Variants in COIL observed in about 807,000 individuals in gnomAD.
COIL encodes the protein coilin.
A neutral mutation model predicts 51.6 loss-of-function variants in COIL; 28 were observed. The ratio of observed to expected loss-of-function variants is 0.54; its 90% CI spans 0.40 to 0.74. The LOEUF is 0.74. COIL is among the 30% of genes least tolerant of loss of function. The probability of loss-of-function intolerance (pLI) is 0.00; values close to 1 mark genes in which losing one functional copy is unlikely to be tolerated. For missense variants in COIL, 667 were observed against 685.9 expected (o/e 0.97, Z 0.31); for synonymous variants, 233 against 255.8 (o/e 0.91, Z 0.85).
chr17:56,942,915 C>T (rs546527889), intron 5 of COIL, among the ~76,000 whole-genome samples: 3 of 152,250 alleles, frequency 2.0e-5, no homozygotes, highest in African/African-American at 7.2e-5. Context: ...AAATTATTAT[C>T]GTCTTACGAG....
rs551046133 is a variant in COIL at position 56,945,701 on chromosome 17, A to G, written c.1558+741T>C. On this transcript the variant is annotated intron_variant, in intron 5 of 6. Transcript: ENST00000240316. Reference sequence around the variant, plus strand: ...CATTGTATTGTCTGCAATTTCCACAATTTACAGTTTGGGGGTTTTTAAAAT... The same window carrying G: ...CATTGTATTGTCTGCAATTTCCACAGTTTACAGTTTGGGGGTTTTTAAAAT... Among the ~76,000 whole-genome samples the G allele has an allele frequency of 9.9e-5, 15 of 152,168 alleles. No homozygotes were observed. The East Asian group carries it at 2.3e-3, about 24-fold the overall frequency.
rs1296575828 is a variant in COIL at position 56,961,008 on chromosome 17, G to A, written c.12C>T (p.Ser4=). 1.2e-6 allele frequency: 2 copies of A among 1,613,582 alleles called. No homozygotes were observed. The highest frequency in any genetic ancestry group is 1.7e-6 in the Non-Finnish European group (2 of 1,179,860). MAA[S]ETVRLRLQFD... ...ATTGAAGCCGTAGCCTAACCGTCTC[G>A]GAAGCTGCCATCTTGCTTGGTGCTC... The change falls in exon 1 of 7, where the codon TCC becomes TCT. Residue 4 remains serine, a synonymous_variant. Transcript: ENST00000240316.
intron 1 of COIL, among the ~76,000 whole-genome samples, chr17:56,959,346 T>C (rs1323792792): frequency 6.6e-6 from 1 of 151,406 alleles, no homozygotes; most frequent in Admixed American, 6.6e-5. Context: ...TCTCTTTATT[T>C]AAAAAAGAAA....
chr17:56,959,123 C>T (rs1225393881), intron 1 of COIL, among the ~76,000 whole-genome samples: 2 of 152,086 alleles, frequency 1.3e-5, no homozygotes, highest in Non-Finnish European at 2.9e-5. Flanking sequence ...GGTGAGAGGA[C>T]AGCTTGAGCC....
At chr17:56,953,800 G>A (rs1367920473) in intron 1 of COIL, among the ~76,000 whole-genome samples, 3 of 152,086 alleles carry the variant, frequency 2.0e-5, no homozygotes, top group Non-Finnish European at 4.4e-5. Context: ...AACAAATCAA[G>A]ATAAAATAAG....
chr17:56,946,327 G>T (rs1287021699), intron 5 of COIL, 115 bp downstream of exon 5: 7 of 650,280 alleles, frequency 1.1e-5, no homozygotes, highest in Non-Finnish European at 1.9e-5. Flanking sequence ...TGAAAGAAGT[G>T]GGGAGCGCCA....
At chr17:56,958,421 G>A (rs946118952) in intron 1 of COIL, among the ~76,000 whole-genome samples, 5 of 152,190 alleles carry the variant, frequency 3.3e-5, no homozygotes, top group South Asian at 2.1e-4. Flanking sequence ...CAAAAACAAA[G>A]ACGAACTTTC....
At chr17:56,944,229 G>A (rs1784938085) in intron 5 of COIL, among the ~76,000 whole-genome samples, 1 of 152,090 alleles carries the variant, frequency 6.6e-6, no homozygotes, top group African/African-American at 2.4e-5. Flanking sequence ...GAATTTGACA[G>A]TGGACAAACT....
At chr17:56,954,047 A>G (rs1374042538) in intron 1 of COIL, among the ~76,000 whole-genome samples, 2 of 152,178 alleles carry the variant, frequency 1.3e-5, no homozygotes, top group African/African-American at 4.8e-5. Flanking sequence ...CACTTGTAGC[A>G]ATGATCCAAG....
intron 4 of COIL, among the ~76,000 whole-genome samples, chr17:56,947,185 A>C (rs954494151): frequency 6.6e-6 from 1 of 152,144 alleles, no homozygotes; most frequent in Non-Finnish European, 1.5e-5. Context: ...GGAATTTCTG[A>C]GCACAGTCAA....
chr17:56,956,696 A>C (rs1331010102), intron 1 of COIL, among the ~76,000 whole-genome samples: 1 of 151,896 alleles, frequency 6.6e-6, no homozygotes, highest in South Asian at 2.1e-4. Flanking sequence ...GGCTTAAATG[A>C]TCCTCCCACC....
chr17:56,947,077 G>C (rs1910262696), intron 4 of COIL, among the ~76,000 whole-genome samples: 1 of 152,122 alleles, frequency 6.6e-6, no homozygotes, highest in South Asian at 2.1e-4. Flanking sequence ...GCATCAAGAG[G>C]ATGCACTGCC....
intron 4 of COIL, among the ~76,000 whole-genome samples, chr17:56,948,650 T>C (rs927804885): frequency 6.6e-6 from 1 of 151,502 alleles, no homozygotes; most frequent in Non-Finnish European, 1.5e-5. Context: ...AAAAGAAACA[T>C]GTAATTCTGT....
chr17:56,941,114 G>A (rs1414411304), intron 6 of COIL: 1 of 142,554 alleles, frequency 7.0e-6, no homozygotes, highest in Non-Finnish European at 1.5e-5. Flanking sequence ...TCCAGCCTGG[G>A]TGACAGAGCT....
intron 5 of COIL, among the ~76,000 whole-genome samples, chr17:56,943,704 A>C (rs924258901): frequency 1.3e-5 from 2 of 152,180 alleles, no homozygotes; most frequent in African/African-American, 4.8e-5. Flanking sequence ...TGATATGTGG[A>C]CTAAAGAGCT....
chr17:56,946,549 A>G (rs746045566), intron 4 of COIL, 38 bp from the exon 5 acceptor site: 2 of 1,370,504 alleles, frequency 1.5e-6, no homozygotes, highest in Non-Finnish European at 2.1e-6. Flanking sequence ...ATCAACATGT[A>G]AAACACTGTG....
intron 5 of COIL, 134 bp from the exon 6 acceptor site, chr17:56,942,257 A>G (rs758097169): frequency 2.7e-5 from 19 of 708,602 alleles, no homozygotes; most frequent in Admixed American, 6.5e-5. Flanking sequence ...CTGGGTATGT[A>G]CAGGAAAGCA....
chr17:56,950,736 G>T lies in COIL; in HGVS notation c.506C>A (p.Thr169Asn). Reference sequence around the variant, plus strand: ...GTTATCATCACCCACTGTGCCACAGGTTGCTTTATTTTTTCTCTTGTTTTT... The same window carrying T: ...GTTATCATCACCCACTGTGCCACAGTTTGCTTTATTTTTTCTCTTGTTTTT... ...SKKNKRKNKA[T>N]CGTVGDDNEE... is the part of the protein sequence containing the mutation. Residue 169 changes from threonine (T) to asparagine (N), a missense_variant, in exon 2 of 7, where the codon ACC becomes AAC. Coordinates refer to ENST00000240316, the MANE Select transcript of COIL (RefSeq NM_004645.3). 1.9e-6 allele frequency: 3 copies of T among 1,613,908 alleles called. No homozygotes were observed. Among genetic ancestry groups the T allele is most frequent in the Non-Finnish European group, 1.7e-6 (2 of 1,180,006 alleles).
Position 56,938,923 on chromosome 17 carries a change from T to A in COIL, c.*148A>T, listed in dbSNP as rs1028229927. On this transcript the variant is annotated 3_prime_UTR_variant, in exon 7 of 7. Coordinates refer to ENST00000240316, the MANE Select transcript of COIL (RefSeq NM_004645.3). ...CCGACACCCATGTCATTTTAAATGA[T>A]GAGGTAGATTGTTTCCTATGCAGTA... The A allele has an allele frequency of 1.0e-5, 5 of 486,268 alleles. No individual in the cohort carries two copies. Among genetic ancestry groups the A allele is most frequent in the Admixed American group, 4.0e-5 (1 of 25,164 alleles). 30.1% of individuals were successfully genotyped at this position (486,268 alleles called of 1,614,324 possible). A position where few individuals can be genotyped will look rare whatever the true frequency, so the allele number is the denominator to read the frequency against.
Sources: gnomAD v4.1 joint callset for allele counts (sites outside exome capture counted in the v4.1 genomes callset) on GRCh38, gnomAD v4.1.1 for gene constraint, MANE v1.5 for transcripts, NCBI Gene and HGNC (gene_info 2026-07-23, HGNC 2026-07-21) for gene names.